The following TAFA2 variants were observed in gnomAD, a reference collection of about 807,000 sequenced individuals.
TAFA2 encodes the protein chemokine-like protein TAFA-2.
In TAFA2, 7 loss-of-function variants were observed where a neutral mutation model predicts 18.8. That is an observed-to-expected ratio of 0.37 (90% CI 0.21 to 0.70). The LOEUF (loss-of-function observed/expected upper bound fraction) is 0.70. Among genes scored for constraint, TAFA2 ranks in the 30% least tolerant of loss-of-function variants. The probability of loss-of-function intolerance (pLI) is 0.53; values close to 1 mark genes in which losing one functional copy is unlikely to be tolerated. For synonymous variants in TAFA2, 60 were observed against 54.2 expected, an observed-to-expected ratio of 1.11 and a Z score of -0.47; for missense variants, 122 against 158.1, an observed-to-expected ratio of 0.77 and a Z score of 1.23.
intron 2 of TAFA2, among the ~76,000 whole-genome samples, chr12:61,813,343 T>C (rs1314656994): frequency 1.3e-5 from 2 of 151,446 alleles, no homozygotes; most frequent in Non-Finnish European, 2.9e-5. Flanking sequence ...TATGTATCTT[T>C]TTCTTACTTA....
intron 1 of TAFA2, among the ~76,000 whole-genome samples, chr12:62,024,470 A>G (rs1381619593): frequency 1.3e-5 from 2 of 152,162 alleles, no homozygotes; most frequent in African/African-American, 2.4e-5. Flanking sequence ...TTAATGTCCC[A>G]TATGAGAAAC....
At chr12:61,997,809 T>A (rs1312795903) in intron 1 of TAFA2, among the ~76,000 whole-genome samples, 1 of 152,106 alleles carries the variant, frequency 6.6e-6, no homozygotes, top group Non-Finnish European at 1.5e-5. Context: ...TTTGGATTTT[T>A]TTTTTCAAAT....
At chr12:62,201,562 C>A (rs1013300165) in intron 1 of TAFA2, among the ~76,000 whole-genome samples, 1 of 152,172 alleles carries the variant, frequency 6.6e-6, no homozygotes. Flanking sequence ...ATATGTTGAA[C>A]CAGCCTTGCA....
chr12:61,855,418 C>T (rs998095683), intron 2 of TAFA2, among the ~76,000 whole-genome samples: 63 of 152,248 alleles, frequency 4.1e-4, no homozygotes, highest in African/African-American at 1.3e-3. Context: ...CATACATGGG[C>T]TTGTCTATTA....
intron 2 of TAFA2, among the ~76,000 whole-genome samples, chr12:61,797,174 C>T (rs1362442574): frequency 1.3e-5 from 2 of 152,136 alleles, no homozygotes; most frequent in African/African-American, 2.4e-5. Flanking sequence ...CGTAGCATCA[C>T]ACACCAATAG....
chr12:61,889,245 T>C (rs1296106139), intron 1 of TAFA2, among the ~76,000 whole-genome samples: 1 of 152,196 alleles, frequency 6.6e-6, no homozygotes, highest in African/African-American at 2.4e-5. Context: ...GTCACCATTA[T>C]TTTTTATGGA....
Position 62,115,081 on chromosome 12 carries a change from T to A in TAFA2, c.-2+76178A>T, listed in dbSNP as rs945261569. On this transcript the variant is annotated intron_variant, in intron 1 of 4. Transcript: ENST00000416284. Reference sequence around the variant, plus strand: ...TACATATTTTCTCAAAACATTGACCTCCTTTGGGTAATTTCTTCCCTATAA... The same window carrying A: ...TACATATTTTCTCAAAACATTGACCACCTTTGGGTAATTTCTTCCCTATAA... Among the ~76,000 whole-genome samples the A allele has an allele frequency of 2.6e-5, 4 of 152,284 alleles. No homozygotes were observed. In the East Asian group the frequency reaches 7.7e-4, roughly 29 times the overall value.
intron 1 of TAFA2, among the ~76,000 whole-genome samples, chr12:62,046,409 T>C (rs1402342709): frequency 1.3e-5 from 2 of 152,036 alleles, no homozygotes; most frequent in African/African-American, 4.8e-5. Flanking sequence ...ATGCAGTACC[T>C]AATTTAGTAA....
chr12:61,762,981 C>A (rs1013399070), intron 2 of TAFA2, among the ~76,000 whole-genome samples: 6 of 151,056 alleles, frequency 4.0e-5, no homozygotes, highest in African/African-American at 1.5e-4. Context: ...ATTTAGGTTG[C>A]TGTAAATCAC....
intron 1 of TAFA2, among the ~76,000 whole-genome samples, chr12:61,886,013 T>G (rs1276493216): frequency 6.6e-6 from 1 of 152,152 alleles, no homozygotes; most frequent in Non-Finnish European, 1.5e-5. Flanking sequence ...GAGTGTACAA[T>G]CAATGGCACG....
intron 1 of TAFA2, among the ~76,000 whole-genome samples, chr12:61,972,074 T>C (rs1879268350): frequency 6.6e-6 from 1 of 151,682 alleles, no homozygotes; most frequent in African/African-American, 2.4e-5. Flanking sequence ...TGTTTGTTTG[T>C]TTGTTTTTAA....
At chr12:62,249,911 C>G (rs1047892284) in intron 1 of TAFA2, among the ~76,000 whole-genome samples, 11 of 152,180 alleles carry the variant, frequency 7.2e-5, no homozygotes, top group African/African-American at 2.4e-4. Flanking sequence ...TATTGGCAGT[C>G]TAGCAAGGGT....
intron 1 of TAFA2, among the ~76,000 whole-genome samples, chr12:61,920,883 T>C (rs1355892842): frequency 6.6e-6 from 1 of 150,414 alleles, no homozygotes; most frequent in African/African-American, 2.4e-5. Context: ...TAGGGAGTTG[T>C]CAAAGAAGCC....
intron 2 of TAFA2, among the ~76,000 whole-genome samples, chr12:61,826,539 A>G (rs1427224616): frequency 6.6e-6 from 1 of 152,116 alleles, no homozygotes; most frequent in African/African-American, 2.4e-5. Flanking sequence ...GTCATTCAAA[A>G]ATATAAAGTG....
intron 1 of TAFA2, among the ~76,000 whole-genome samples, chr12:61,963,388 CA>C (rs1878957313): frequency 6.6e-6 from 1 of 151,978 alleles, no homozygotes; most frequent in African/African-American, 2.4e-5. Context: ...GATCGCCATT[CA>C]AAATGGCATT....
In TAFA2 at chr12:62,247,860, T is replaced by C. The variant is rs536363120; in HGVS notation, c.-130+10903A>G. On this transcript the variant is annotated intron_variant, in intron 1 of 5. Transcript: ENST00000551619. Reference sequence around the variant, plus strand: ...TTTTTATTCAAATAAGTTGCAACTTTATTGTTCAGAGAAATAGTCACTGAA... The same window carrying C: ...TTTTTATTCAAATAAGTTGCAACTTCATTGTTCAGAGAAATAGTCACTGAA... Among the ~76,000 whole-genome samples, 137 of 152,330 alleles carry C rather than the reference T, an allele frequency of 9.0e-4. 2 individuals carry two copies. The highest frequency in any genetic ancestry group is 3.0e-3 in the African/African-American group (126 of 41,578).
intron 4 of TAFA2, among the ~76,000 whole-genome samples, chr12:61,719,680 G>T (rs561331103): frequency 6.6e-6 from 1 of 152,128 alleles, no homozygotes; most frequent in Non-Finnish European, 1.5e-5. Flanking sequence ...TTATTGCAAT[G>T]CCATGGTCTC....
At chr12:62,212,717 A>G (rs2062719345) in intron 1 of TAFA2, among the ~76,000 whole-genome samples, 3 of 152,232 alleles carry the variant, frequency 2.0e-5, no homozygotes, top group Non-Finnish European at 4.4e-5. Context: ...GAAACATTTG[A>G]AAAATCCTCT....
chr12:61,932,382 C>A (rs1034144962), intron 1 of TAFA2, among the ~76,000 whole-genome samples: 1 of 152,152 alleles, frequency 6.6e-6, no homozygotes, highest in African/African-American at 2.4e-5. Flanking sequence ...GAAAAGAAAT[C>A]ACTCGAGAAG....
Sources: gnomAD v4.1 joint callset for allele counts (sites outside exome capture counted in the v4.1 genomes callset) on GRCh38, gnomAD v4.1.1 for gene constraint, MANE v1.5 for transcripts, NCBI Gene and HGNC (gene_info 2026-07-23, HGNC 2026-07-21) for gene names.